The following DNAJC13 variants were observed in gnomAD, a reference collection of about 807,000 sequenced individuals.
DNAJC13 encodes the protein DnaJ heat shock protein family (Hsp40) member C13.
Under a neutral mutation model 290.5 loss-of-function variants are expected in DNAJC13, and 75 were observed. The ratio of observed to expected loss-of-function variants is 0.26; its 90% CI spans 0.21 to 0.31. The LOEUF is 0.31. Ranked by LOEUF, DNAJC13 falls within the 10% of genes least tolerant of loss-of-function variation. The pLI, the probability that DNAJC13 is intolerant of heterozygous loss-of-function variation, is 1.00. For synonymous variants in DNAJC13, 862 were observed against 892.0 expected (o/e 0.97, Z 0.60); for missense variants, 2,260 against 2,674.5 (o/e 0.85, Z 3.42).
intron 29 of DNAJC13, among the ~76,000 whole-genome samples, chr3:132,486,818 T>TC (rs1934893550): frequency 6.6e-6 from 1 of 152,136 alleles, no homozygotes; most frequent in Non-Finnish European, 1.5e-5. Flanking sequence ...TTTAGAGTAA[T>TC]CCAAAATACA....
At chr3:132,494,449 A>ATCC (rs1435268028) in intron 34 of DNAJC13, among the ~76,000 whole-genome samples, 190 bp downstream of exon 34, 1 of 152,214 alleles carries the variant, frequency 6.6e-6, no homozygotes, top group Non-Finnish European at 1.5e-5. Context: ...GCCAAATTGT[A>ATCC]TCCTCCTCTT....
chr3:132,425,370 A>G (rs957254858), intron 1 of DNAJC13, among the ~76,000 whole-genome samples: 5 of 152,152 alleles, frequency 3.3e-5, no homozygotes, highest in Admixed American at 1.3e-4. Flanking sequence ...AAACTCCACA[A>G]TTTTCACCCA....
At chr3:132,498,709 ATTTTATTTTAT>A (rs1438587622) in intron 36 of DNAJC13, among the ~76,000 whole-genome samples, 2 of 151,412 alleles carry the variant, frequency 1.3e-5, no homozygotes, top group Non-Finnish European at 2.9e-5. Context: ...TTTACGTTTT[ATTTTATTTTAT>A]TTTTATTTTT....
intron 40 of DNAJC13, 122 bp from the exon 41 acceptor site, chr3:132,503,092 C>T: frequency 1.0e-6 from 1 of 1,004,290 alleles, no homozygotes; most frequent in Non-Finnish European, 1.4e-6. Flanking sequence ...ACTCTTGTAC[C>T]CTTTTGTTGG....
Position 132,522,966 on chromosome 3 carries a change from G to C in DNAJC13, c.5812G>C (p.Val1938Leu), listed in dbSNP as rs1481585940. The C allele has an allele frequency of 8.1e-6, 13 of 1,612,612 alleles. No individual in the cohort carries two copies. Among genetic ancestry groups the C allele is most frequent in the South Asian group, 1.1e-5 (1 of 90,628 alleles). The change falls in exon 49 of 56, where the codon GTG becomes CTG. Residue 1938 changes from valine to leucine, a missense_variant. Physicochemically the swap from Val to Leu is conservative, Grantham distance 32 (BLOSUM62 1). Around this residue, in one of 3 missense-constraint regions of DNAJC13, gnomAD observed 1,494 missense variants for 1,693.7 expected, o/e 0.88. Coordinates refer to ENST00000260818, the MANE Select transcript of DNAJC13 (RefSeq NM_015268.4). ...TTGGAATGATAATTCCAGAGATAAA[G>C]TGTCCACAACAGTTAGGGAAATGAT... is the stretch of plus-strand genomic sequence containing the variant. ...LIWNDNSRDKVSTTVREMMLE... is the reference protein window; with the variant it reads ...LIWNDNSRDKLSTTVREMMLE...
intron 42 of DNAJC13, among the ~76,000 whole-genome samples, chr3:132,506,030 A>C (rs1022928103): frequency 4.4e-5 from 6 of 136,480 alleles, no homozygotes; most frequent in African/African-American, 1.7e-4. Context: ...CGGGTCTTAC[A>C]TGTCTGTACA....
chr3:132,465,722 G>T (rs980559903), intron 17 of DNAJC13, among the ~76,000 whole-genome samples: 9 of 152,008 alleles, frequency 5.9e-5, no homozygotes, highest in African/African-American at 2.2e-4. Context: ...CTTTAAGTGG[G>T]ATAAAAACCT....
chr3:132,524,816 T>C (rs1049952742), intron 51 of DNAJC13, among the ~76,000 whole-genome samples: 4 of 152,216 alleles, frequency 2.6e-5, no homozygotes, highest in Non-Finnish European at 5.9e-5. Context: ...CATTTTATTA[T>C]GTTTCTGGAT....
chr3:132,482,815 C>T (rs935201214), intron 27 of DNAJC13, among the ~76,000 whole-genome samples: 3 of 151,464 alleles, frequency 2.0e-5, no homozygotes, highest in Non-Finnish European at 4.4e-5. Flanking sequence ...GCCATGATCA[C>T]ACCACTGCAA....
intron 1 of DNAJC13, among the ~76,000 whole-genome samples, chr3:132,430,112 A>C (rs1939202936): frequency 6.6e-6 from 1 of 152,074 alleles, no homozygotes; most frequent in Admixed American, 6.5e-5. Flanking sequence ...TTTTATCTTA[A>C]TGTGTTATAT....
At chr3:132,497,138 C>T (rs1006286456) in intron 36 of DNAJC13, among the ~76,000 whole-genome samples, 3 of 152,166 alleles carry the variant, frequency 2.0e-5, no homozygotes, top group African/African-American at 7.2e-5. Flanking sequence ...CGTTCTATTT[C>T]CTATTGTAGC....
chr3:132,471,735 G>A (rs924822651), intron 20 of DNAJC13, among the ~76,000 whole-genome samples: 78 of 128,574 alleles, frequency 6.1e-4, no homozygotes, highest in East Asian at 4.3e-3. Context: ...GATGGCGGCC[G>A]GGCGGAGACG....
chr3:132,480,069 CA>C (rs547393525), intron 25 of DNAJC13, among the ~76,000 whole-genome samples: 51 of 152,104 alleles, frequency 3.4e-4, no homozygotes, highest in Middle Eastern at 3.2e-3. Flanking sequence ...AAGACCTTGA[CA>C]GAATAATTGT....
Position 132,500,821 on chromosome 3 carries a change from A to G in DNAJC13, c.4444A>G (p.Ser1482Gly), listed in dbSNP as rs139480426. ...GTGTGGATACATAAGTAAATGCTAC[A>G]GTGTGGCTGCTCAGTTTGAGGAATG... ...QVCGYISKCY[S>G]VAAQFEECRE... Residue 1482 changes from serine (S) to glycine (G), a missense_variant, in exon 39 of 56, where the codon AGT (serine) becomes GGT (glycine). Ser to Gly is a moderately conservative substitution (Grantham distance 56). Around this residue, in one of 3 missense-constraint regions of DNAJC13, gnomAD observed 1,494 missense variants for 1,693.7 expected, o/e 0.88. Transcript: ENST00000260818. The G allele has an allele frequency of 2.9e-5, 46 of 1,613,958 alleles. No individual in the cohort carries two copies. Among genetic ancestry groups the G allele is most frequent in the Non-Finnish European group, 3.5e-5 (41 of 1,179,964 alleles).
chr3:132,464,567 A>G (rs1355387781), intron 17 of DNAJC13, among the ~76,000 whole-genome samples: 1 of 152,072 alleles, frequency 6.6e-6, no homozygotes, highest in East Asian at 1.9e-4. Context: ...TTTGTCATCT[A>G]TGTGCAGTTA....
rs747428075 is a variant in DNAJC13, at chr3:132,514,628, G to A, written c.5443G>A (p.Val1815Ile). The change falls in exon 46 of 56, where the codon GTT (valine) becomes ATT (isoleucine). Residue 1815 changes from valine to isoleucine, a missense_variant. Coordinates refer to ENST00000260818, the MANE Select transcript of DNAJC13 (RefSeq NM_015268.4). ...TGTCAACAATATTGCTGAATCAATG[G>A]TTTTGTCCAGTTTATTGGCTCTTCT... Reference protein sequence around the residue: ...DCVNNIAESMVLSSLLALLHS... With the variant: ...DCVNNIAESMILSSLLALLHS... The A allele has an allele frequency of 1.9e-6, 3 of 1,611,636 alleles. No homozygotes were observed. Among genetic ancestry groups the A allele is most frequent in the Non-Finnish European group, 1.7e-6 (2 of 1,178,914 alleles).
At chr3:132,487,499 G>A (rs1282710755) in intron 29 of DNAJC13, among the ~76,000 whole-genome samples, 5 of 146,704 alleles carry the variant, frequency 3.4e-5, no homozygotes, top group African/African-American at 5.2e-5. Context: ...CTTGTGATCC[G>A]CCCACCTCAG....
rs751095468 is a variant in DNAJC13 at position 132,523,149 on chromosome 3, T to TC, written c.5844-4dup. On this transcript the variant is annotated splice_region_variant and splice_polypyrimidine_tract_variant and intron_variant, in intron 49 of 55. Coordinates refer to ENST00000260818, the MANE Select transcript of DNAJC13 (RefSeq NM_015268.4). ...GAAGTTTGGTATCCATCCCTTTTTT[T>TC]CCCCAAGGCACTTTAAAAATCAGCA... 13 of 1,613,748 alleles carry TC rather than the reference T, an allele frequency of 8.1e-6. No individual in the cohort carries two copies. In the African/African-American group the frequency reaches 1.2e-4, roughly 15 times the overall value.
chr3:132,481,557 G>A (rs1015356781), intron 26 of DNAJC13, among the ~76,000 whole-genome samples: 7 of 152,176 alleles, frequency 4.6e-5, no homozygotes, highest in African/African-American at 1.7e-4. Flanking sequence ...CTCCAGGCTA[G>A]GTAACAAAGT....
Sources: allele counts gnomAD v4.1 joint callset (sites outside exome capture counted in the v4.1 genomes callset), GRCh38; gene constraint gnomAD v4.1.1; regional missense constraint gnomAD v4.1.1; transcripts MANE v1.5; gene names NCBI Gene and HGNC (gene_info 2026-07-23, HGNC 2026-07-21).